The following ERICH6B variants were observed in gnomAD, a reference collection of about 807,000 sequenced individuals.
ERICH6B encodes the protein glutamate rich 6B.
A neutral mutation model predicts 80.0 loss-of-function variants in ERICH6B; 69 were observed. The observed-to-expected ratio is 0.86, with a 90% confidence interval of 0.71 to 1.05. The LOEUF (loss-of-function observed/expected upper bound fraction) is 1.05, where lower values mean the gene tolerates loss of function less well. Among genes scored for constraint, ERICH6B ranks in the 50% least tolerant of loss-of-function variants. The pLI is 0.00. For missense variants in ERICH6B, 754 were observed against 796.1 expected (o/e 0.95, Z 0.64); for synonymous variants, 283 against 291.9 (o/e 0.97, Z 0.31).
At chr13:45,561,617 A>G (rs1372494129) in intron 10 of ERICH6B, 91 bp from the exon 11 acceptor site, 2 of 1,431,174 alleles carry the variant, frequency 1.4e-6, no homozygotes, top group East Asian at 5.0e-5. Context: ...TGCCAAAGGG[A>G]GTTTGAGGGT....
In ERICH6B at chr13:45,549,899, T is replaced by C. The variant is rs1874145034; in HGVS notation, c.1640A>G (p.Asp547Gly). The change falls in exon 13 of 15, where the codon GAT becomes GGT. Residue 547 changes from aspartate (D) to glycine (G), a missense_variant. Physicochemically the swap from Asp to Gly is moderately conservative, Grantham distance 94. Transcript: ENST00000298738. The part of the protein sequence containing the change: ...GNATFYDENS[D>G]IWLNLSSNLG... The stretch of plus-strand genomic sequence containing the variant: ...ACTCATGACCCAAGCTTACCAGATA[T>C]CACTATTTTCATCATAGAAGGTAGC... 14 of 1,550,500 alleles carry C rather than the reference T, an allele frequency of 9.0e-6. No homozygotes were observed. The highest frequency in any genetic ancestry group is 1.2e-5 in the Non-Finnish European group (14 of 1,146,854).
intron 8 of ERICH6B, 35 bp downstream of exon 8, chr13:45,574,807 C>CTG (rs1566294898): frequency 6.8e-7 from 1 of 1,472,408 alleles, no homozygotes; most frequent in Non-Finnish European, 9.2e-7. Flanking sequence ...TTGGAGGAAG[C>CTG]TGGGGGGGGG....
At chr13:45,548,400 G>A (rs1874071343) in intron 13 of ERICH6B, among the ~76,000 whole-genome samples, 1 of 152,202 alleles carries the variant, frequency 6.6e-6, no homozygotes, top group East Asian at 1.9e-4. Context: ...CTAGGTCAAT[G>A]AGACTGCAGT....
intron 7 of ERICH6B, among the ~76,000 whole-genome samples, chr13:45,577,741 C>T (rs1875481349): frequency 6.6e-6 from 1 of 152,120 alleles, no homozygotes; most frequent in African/African-American, 2.4e-5. Flanking sequence ...TACAGGCACA[C>T]ACCACCATGC....
intron 7 of ERICH6B, among the ~76,000 whole-genome samples, chr13:45,576,388 A>G (rs1875405055): frequency 6.6e-6 from 1 of 152,228 alleles, no homozygotes; most frequent in Middle Eastern, 3.2e-3. Context: ...AGGCAAGAGC[A>G]TGCTCAGCTT....
chr13:45,545,046 C>G (rs553165459), intron 13 of ERICH6B, 61 bp from the exon 14 acceptor site: 1 of 1,313,188 alleles, frequency 7.6e-7, no homozygotes, highest in East Asian at 2.5e-5. Flanking sequence ...TCTGCTCCTC[C>G]TCTTCTCCTT....
At chr13:45,563,655 C>A in intron 10 of ERICH6B, 72 bp downstream of exon 10, 1 of 1,330,388 alleles carries the variant, frequency 7.5e-7, no homozygotes, top group Non-Finnish European at 1.1e-6. Flanking sequence ...ACAGTACATG[C>A]AGAAGGGGAG....
At chr13:45,571,861 G>A (rs2404226) in intron 8 of ERICH6B, among the ~76,000 whole-genome samples, 13,424 of 152,104 alleles carry the variant, frequency 0.088, 980 homozygotes, top group African/African-American at 0.2. Context: ...ATGGTCCTCT[G>A]CAAGTCATGG....
At chr13:45,583,299 A>G (rs1875750373) in intron 5 of ERICH6B, among the ~76,000 whole-genome samples, 1 of 152,292 alleles carries the variant, frequency 6.6e-6, no homozygotes, top group Non-Finnish European at 1.5e-5. Context: ...TCTATTTTAA[A>G]TGGGCCTCTG....
At chr13:45,597,168 C>T (rs986327692) in intron 2 of ERICH6B, 105 bp from the exon 3 acceptor site, 2 of 795,624 alleles carry the variant, frequency 2.5e-6, no homozygotes, top group African/African-American at 3.5e-5. Flanking sequence ...CTTTGGAGGG[C>T]TCTTTAAGTA....
chr13:45,596,203 A>T (rs114626088), intron 3 of ERICH6B, among the ~76,000 whole-genome samples, 166 bp downstream of exon 3: 6,141 of 152,148 alleles, frequency 0.04, 128 homozygotes, highest in Admixed American at 0.047. Flanking sequence ...GCTCTATGTC[A>T]GGTTTGTGCT....
intron 1 of ERICH6B, among the ~76,000 whole-genome samples, chr13:45,615,025 AC>A (rs1379976889): frequency 1.3e-5 from 2 of 152,144 alleles, no homozygotes; most frequent in East Asian, 3.9e-4. Context: ...ATTTCCTAGG[AC>A]CTTTTTTATA....
chr13:45,553,143 T>A lies in ERICH6B; in HGVS notation c.1408-2827A>T, dbSNP rs1165070932. Reference sequence around the variant, plus strand: ...CTGGTATTTGTGCAGCCATATTCTTTTAGTATGTTTATTAGTCACCGTTTT... The same window carrying A: ...CTGGTATTTGTGCAGCCATATTCTTATAGTATGTTTATTAGTCACCGTTTT... On this transcript the variant is annotated intron_variant, in intron 11 of 14. Transcript: ENST00000298738. The A allele has an allele frequency of 9.0e-6, 3 of 334,322 alleles. No homozygotes were observed. The East Asian group carries it at 2.8e-4, about 32-fold the overall frequency. 20.7% of individuals were successfully genotyped at this position (334,322 alleles called of 1,614,324 possible).
rs1380326777 is a variant in ERICH6B, at chr13:45,580,645, A to G, written c.877T>C (p.Ser293Pro). The change falls in exon 6 of 15, where the codon TCA becomes CCA. Residue 293 changes from serine to proline, a missense_variant. Ser to Pro is a moderately conservative substitution (Grantham distance 74, BLOSUM62 -1). Coordinates refer to ENST00000298738, the MANE Select transcript of ERICH6B (RefSeq NM_182542.3). Reference sequence around the variant, plus strand: ...GTGGTGGTTTCTTGCTCTGTTTCTGATTTCGATTTTAAAGATTTTACTGTT... The same window carrying G: ...GTGGTGGTTTCTTGCTCTGTTTCTGGTTTCGATTTTAAAGATTTTACTGTT... Reference protein sequence around the residue: ...RTAVKSLKSKSETEQETTTKL... With the variant: ...RTAVKSLKSKPETEQETTTKL... 2.6e-6 allele frequency: 4 copies of G among 1,551,466 alleles called. No homozygotes were observed. In the African/African-American group the frequency reaches 5.5e-5, roughly 21 times the overall value.
chr13:45,562,958 C>T (rs1874752013), intron 10 of ERICH6B, among the ~76,000 whole-genome samples: 1 of 152,154 alleles, frequency 6.6e-6, no homozygotes. Context: ...TTGATTAGTG[C>T]TATGTCTCCC....
chr13:45,600,373 T>C (rs935286187), intron 2 of ERICH6B, among the ~76,000 whole-genome samples: 3 of 152,214 alleles, frequency 2.0e-5, no homozygotes, highest in African/African-American at 7.2e-5. Flanking sequence ...TTTTTTATTT[T>C]GTAAAAATTT....
In ERICH6B at chr13:45,605,868, T is replaced by C. The variant is rs530019140; in HGVS notation, c.-59+1696A>G. 1.2e-4 allele frequency among the ~76,000 whole-genome samples: 18 copies of C among 152,384 alleles called. No homozygotes were observed. The South Asian group carries it at 3.7e-3, about 32-fold the overall frequency. On this transcript the variant is annotated intron_variant, in intron 2 of 14. Coordinates refer to ENST00000298738, the MANE Select transcript of ERICH6B (RefSeq NM_182542.3). ...AAAAGGTATTTTCCTTTTCTTTTCC[T>C]TTTTCCTTTAAAGATTGAACACAAT...
chr13:45,599,778 A>G (rs1288287995), intron 2 of ERICH6B, among the ~76,000 whole-genome samples: 1 of 152,188 alleles, frequency 6.6e-6, no homozygotes, highest in Admixed American at 6.5e-5. Context: ...GCCAAGTCCA[A>G]AATGATGGCT....
intron 3 of ERICH6B, among the ~76,000 whole-genome samples, chr13:45,592,541 G>A (rs1042123811): frequency 3.9e-5 from 6 of 152,222 alleles, no homozygotes; most frequent in East Asian, 1.9e-4. Context: ...TGGAGCTGCC[G>A]AGGAGGATCT....
Sources: allele counts gnomAD v4.1 joint callset (sites outside exome capture counted in the v4.1 genomes callset), GRCh38; gene constraint gnomAD v4.1.1; transcripts MANE v1.5; gene names NCBI Gene and HGNC (gene_info 2026-07-23, HGNC 2026-07-21).